SYT16: variants seen among roughly 807,000 people sequenced by gnomAD.
SYT16 encodes the protein synaptotagmin-16.
Under a neutral mutation model 61.4 loss-of-function variants are expected in SYT16, and 42 were observed. That is an observed-to-expected ratio of 0.68 (90% CI 0.53 to 0.89). The LOEUF is 0.89. Ranked by LOEUF, SYT16 falls within the 40% of genes least tolerant of loss-of-function variation. The pLI is 0.00. For synonymous variants in SYT16, 314 were observed against 302.3 expected, an observed-to-expected ratio of 1.04 and a Z score of -0.40; for missense variants, 804 against 807.3, an observed-to-expected ratio of 1.00 and a Z score of 0.05.
chr14:61,883,404 T>C (rs2047774611), intron 1 of SYT16, among the ~76,000 whole-genome samples: 1 of 152,162 alleles, frequency 6.6e-6, no homozygotes, highest in Non-Finnish European at 1.5e-5. Context: ...GTTCCACAGA[T>C]CTCTAGGGCA....
chr14:62,064,334 G>GAA (rs781727444), intron 3 of SYT16, among the ~76,000 whole-genome samples: 1,145 of 42,970 alleles, frequency 0.027, 86 homozygotes, highest in African/African-American at 0.038. Context: ...CTTTAAATTT[G>GAA]AAAAAAAAAA....
intron 1 of SYT16, among the ~76,000 whole-genome samples, chr14:61,857,138 T>A (rs562863544): frequency 6.6e-6 from 1 of 150,490 alleles, no homozygotes; most frequent in South Asian, 2.1e-4. Context: ...AGATGGTTGC[T>A]CCAGACTGTG....
chr14:61,853,834 G>A (rs927280752), intron 1 of SYT16, among the ~76,000 whole-genome samples: 7 of 152,000 alleles, frequency 4.6e-5, no homozygotes, highest in African/African-American at 1.7e-4. Context: ...TATTATTGGA[G>A]GTCTTTCAGT....
chr14:62,061,650 A>G (rs906925009), intron 3 of SYT16, among the ~76,000 whole-genome samples: 10 of 152,196 alleles, frequency 6.6e-5, no homozygotes, highest in South Asian at 2.1e-4. Flanking sequence ...GGAAAAAGAA[A>G]GAAGTATGTT....
At chr14:62,068,108 C>T (rs2140937222) in intron 3 of SYT16, among the ~76,000 whole-genome samples, 1 of 152,296 alleles carries the variant, frequency 6.6e-6, no homozygotes, top group South Asian at 2.1e-4. Flanking sequence ...ATGCTCACTG[C>T]AGCATTATTC....
intron 2 of SYT16, among the ~76,000 whole-genome samples, chr14:61,975,046 T>TTA (rs1429492632): frequency 6.6e-6 from 1 of 152,244 alleles, no homozygotes; most frequent in Non-Finnish European, 1.5e-5. Context: ...ATAAAATATT[T>TTA]TTCATTTTAT....
At chr14:62,023,809 A>G (rs780402748) in intron 3 of SYT16, among the ~76,000 whole-genome samples, 2 of 152,056 alleles carry the variant, frequency 1.3e-5, no homozygotes, top group Admixed American at 6.6e-5. Context: ...TAGTTTTTTA[A>G]TCGTGTAGTC....
At chr14:61,901,771 T>A (rs1412894649) in intron 1 of SYT16, among the ~76,000 whole-genome samples, 7 of 146,364 alleles carry the variant, frequency 4.8e-5, no homozygotes, top group African/African-American at 1.8e-4. Context: ...TAATTATTAT[T>A]ATTATTATTT....
chr14:61,925,041 A>T (rs1251179783), intron 1 of SYT16, among the ~76,000 whole-genome samples: 3 of 152,212 alleles, frequency 2.0e-5, no homozygotes, highest in African/African-American at 7.2e-5. Context: ...ATATGGTTTC[A>T]TCCAGTTGTT....
rs764881459 is a variant in SYT16 at position 62,105,532 on chromosome 14, A to G, written c.*4825A>G. 3 of 152,228 alleles carry G rather than the reference A, an allele frequency of 2.0e-5. No individual in the cohort carries two copies. Among genetic ancestry groups the G allele is most frequent in the Non-Finnish European group, 4.4e-5 (3 of 68,040 alleles). 9.4% of individuals were successfully genotyped at this position (152,228 alleles called of 1,614,324 possible). ...TGGAATGTCCTGCTCAGAACAAATT[A>G]TCACTGTTTCCCTTATGAGATCCTA... On this transcript the variant is annotated 3_prime_UTR_variant, in exon 8 of 8. Coordinates refer to ENST00000683842, the MANE Select transcript of SYT16 (RefSeq NM_001367656.1).
At chr14:62,042,855 A>G (rs2054791926) in intron 3 of SYT16, among the ~76,000 whole-genome samples, 1 of 152,106 alleles carries the variant, frequency 6.6e-6, no homozygotes, top group Non-Finnish European at 1.5e-5. Context: ...GTGGCCTGGT[A>G]ATTTTCTCTA....
intron 1 of SYT16, among the ~76,000 whole-genome samples, chr14:61,910,157 C>A (rs569460047): frequency 6.6e-6 from 1 of 152,190 alleles, no homozygotes; most frequent in African/African-American, 2.4e-5. Context: ...AAATATATGC[C>A]CTCCAACTCT....
intron 1 of SYT16, among the ~76,000 whole-genome samples, chr14:61,945,773 G>C (rs1239403391): frequency 2.7e-5 from 4 of 148,836 alleles, no homozygotes; most frequent in African/African-American, 9.9e-5. Flanking sequence ...GGAGAATGGC[G>C]TGAACCCGGG....
intron 1 of SYT16, among the ~76,000 whole-genome samples, chr14:61,892,791 G>C (rs2048183105): frequency 6.6e-6 from 1 of 152,182 alleles, no homozygotes; most frequent in East Asian, 1.9e-4. Flanking sequence ...AAGGGGATTA[G>C]ATACCGGGCC....
intron 7 of SYT16, among the ~76,000 whole-genome samples, chr14:62,085,476 A>G (rs2056854370): frequency 6.6e-6 from 1 of 152,188 alleles, no homozygotes; most frequent in Admixed American, 6.5e-5. Flanking sequence ...AAGAAGGATG[A>G]AATCAGTATA....
Position 61,898,244 on chromosome 14 carries a change from TC to T in SYT16, c.-324-71882del, listed in dbSNP as rs372718370. On this transcript the variant is annotated intron_variant, in intron 1 of 7. Coordinates refer to ENST00000683842, the MANE Select transcript of SYT16 (RefSeq NM_001367656.1). Reference sequence around the variant, plus strand: ...GAATTCTTCCCTGTAATTCCCCACCTCCCCCCACTCCTACCTTATCCTAGTT... The same window carrying T: ...GAATTCTTCCCTGTAATTCCCCACCTCCCCCACTCCTACCTTATCCTAGTT... Among the ~76,000 whole-genome samples the T allele has an allele frequency of 3.7e-3, 559 of 151,970 alleles. 4 individuals carry two copies. The highest frequency in any genetic ancestry group is 0.013 in the African/African-American group (538 of 41,442).
intron 1 of SYT16, among the ~76,000 whole-genome samples, chr14:61,850,824 G>T (rs2046592011): frequency 6.6e-6 from 1 of 152,188 alleles, no homozygotes; most frequent in Admixed American, 6.5e-5. Context: ...TTTTAAACTT[G>T]TGAAAGGGTT....
At chr14:61,834,312 A>G (rs538643867) in intron 1 of SYT16, among the ~76,000 whole-genome samples, 2 of 147,434 alleles carry the variant, frequency 1.4e-5, no homozygotes, top group Non-Finnish European at 3.0e-5. Flanking sequence ...TTATATTTTT[A>G]GTAGAGACAG....
intron 1 of SYT16, among the ~76,000 whole-genome samples, chr14:61,841,974 A>T (rs2140253733): frequency 6.6e-6 from 1 of 152,294 alleles, no homozygotes; most frequent in Admixed American, 6.5e-5. Context: ...TGCTGCAATA[A>T]ACATATGAGT....
Sources: gnomAD v4.1 joint callset for allele counts (sites outside exome capture counted in the v4.1 genomes callset) on GRCh38, gnomAD v4.1.1 for gene constraint, MANE v1.5 for transcripts, NCBI Gene and HGNC (gene_info 2026-07-23, HGNC 2026-07-21) for gene names.